The following CREBBP variants were observed in gnomAD, a reference collection of about 807,000 sequenced individuals.
The protein encoded by CREBBP is CREB-binding protein.
CREBBP carries 19 observed loss-of-function variants against 265.0 expected under a neutral mutation model. That is an observed-to-expected ratio of 0.07 (90% CI 0.05 to 0.11). The LOEUF is 0.11. Ranked by LOEUF, CREBBP falls within the 10% of genes least tolerant of loss-of-function variation. The probability of loss-of-function intolerance (pLI) is 1.00; values close to 1 mark genes in which losing one functional copy is unlikely to be tolerated. For synonymous variants in CREBBP, 1,457 were observed against 1,223.7 expected, an observed-to-expected ratio of 1.19 and a Z score of -3.98; for missense variants, 2,525 against 3,219.0, an observed-to-expected ratio of 0.78 and a Z score of 5.22.
At chr16:3,780,608 G>A (rs2141244735) in intron 8 of CREBBP, 124 bp downstream of exon 8, 1 of 1,011,382 alleles carries the variant, frequency 9.9e-7, no homozygotes, top group South Asian at 1.4e-5. Context: ...TCTACCAGCA[G>A]TGAGAGTGGC....
chr16:3,836,024 A>C (rs2054442074), intron 2 of CREBBP, among the ~76,000 whole-genome samples: 1 of 152,220 alleles, frequency 6.6e-6, no homozygotes, highest in Admixed American at 6.5e-5. Flanking sequence ...AACGTGGATG[A>C]ATCTCAGAAA....
rs184630280 is a variant in CREBBP at position 3,812,255 on chromosome 16, T to C, written c.799-1476A>G. On this transcript the variant is annotated intron_variant, in intron 2 of 30. Transcript: ENST00000262367. ...GTGCAGTGGCGTGATCTCGGCTCAC[T>C]GAAACCTCCCTCTCCCAGGTTCAAG... Among the ~76,000 whole-genome samples, 5 of 152,190 alleles carry C rather than the reference T, an allele frequency of 3.3e-5. No homozygotes were observed. The East Asian group carries it at 9.7e-4, about 29-fold the overall frequency.
intron 19 of CREBBP, 104 bp from the exon 20 acceptor site, chr16:3,751,910 G>A (rs1251628144): frequency 3.7e-6 from 4 of 1,077,552 alleles, no homozygotes; most frequent in African/African-American, 3.1e-5. Flanking sequence ...CCACGACGAA[G>A]GGGGGGCGTT....
At position 3,852,035 on chromosome 16, in the gene CREBBP, C is replaced by CAAAAAAAAAAAAAAAAAAA. The variant is rs551018184; in HGVS notation, c.86-1045_86-1027dup. The stretch of plus-strand genomic sequence containing the variant: ...CCTGGGCAACAGCGAGACTCCATCT[C>CAAAAAAAAAAAAAAAAAAA]AAAAAAAAAAAAAAAAAAAAAAAAA... On this transcript the variant is annotated intron_variant, in intron 1 of 30. Transcript: ENST00000262367. Among the ~76,000 whole-genome samples, 2 of 11,196 alleles carry CAAAAAAAAAAAAAAAAAAA rather than the reference C, an allele frequency of 1.8e-4. 1 individual carries two copies. Among genetic ancestry groups the CAAAAAAAAAAAAAAAAAAA allele is most frequent in the Non-Finnish European group, 3.5e-4 (2 of 5,670 alleles). The allele number at this position is 11,196 out of a possible 152,430, so 7.3% of individuals were successfully genotyped here.
rs781674546 is a variant in CREBBP at position 3,728,963 on chromosome 16, C to T, written c.6084G>A (p.Gln2028=). 6.3e-7 allele frequency: 1 copy of T among 1,598,002 alleles called. No homozygotes were observed. ...TGGGCAAGCCTGGCATGGGCTGCTG[C>T]TGGGGAAGGGGCGCCTGCTGCCACT... ...PGQWQQAPLP[Q]QQPMPGLPRP... Residue 2028 remains glutamine (Q), a synonymous_variant, in exon 31 of 31, where the codon CAG becomes CAA. Transcript: ENST00000262367. The surrounding 1 kb of genome is among the most constrained non-coding windows in gnomAD (Gnocchi z 8.7).
chr16:3,870,296 G>A (rs1465750928), intron 1 of CREBBP, among the ~76,000 whole-genome samples: 4 of 152,174 alleles, frequency 2.6e-5, no homozygotes, highest in African/African-American at 9.7e-5. Flanking sequence ...AGCTGAGCCC[G>A]AGAGGCAATT....
At chr16:3,784,020 T>C (rs931426989) in intron 5 of CREBBP, among the ~76,000 whole-genome samples, 3 of 152,250 alleles carry the variant, frequency 2.0e-5, no homozygotes, top group African/African-American at 4.8e-5. Context: ...TTCTATATGA[T>C]ACCATTTATT....
At chr16:3,748,098 AAAAT>A (rs1204875337) in intron 21 of CREBBP, among the ~76,000 whole-genome samples, 2 of 139,780 alleles carry the variant, frequency 1.4e-5, no homozygotes, top group African/African-American at 3.1e-5. Context: ...CTCAAAAATA[AAAAT>A]AAATACATAC....
intron 5 of CREBBP, among the ~76,000 whole-genome samples, chr16:3,789,572 G>T (rs1303805069): frequency 6.6e-6 from 1 of 152,146 alleles, no homozygotes; most frequent in East Asian, 1.9e-4. Flanking sequence ...CCAACGTAGG[G>T]TCAGATTCAC....
At chr16:3,867,533 A>T (rs2055200544) in intron 1 of CREBBP, among the ~76,000 whole-genome samples, 1 of 152,126 alleles carries the variant, frequency 6.6e-6, no homozygotes, top group Non-Finnish European at 1.5e-5. Flanking sequence ...TATTTATATA[A>T]CATAGAGAAA....
chr16:3,801,948 A>G (rs2053722376), intron 3 of CREBBP, among the ~76,000 whole-genome samples: 1 of 151,966 alleles, frequency 6.6e-6, no homozygotes, highest in Non-Finnish European at 1.5e-5. Context: ...GGTTAACACA[A>G]AGCTCACTGA....
In CREBBP at chr16:3,729,328, C is replaced by T. The variant is rs199990883; in HGVS notation, c.5719G>A (p.Ala1907Thr). The T allele has an allele frequency of 1.7e-3, 2,675 of 1,572,556 alleles. 6 individuals carry two copies. Among genetic ancestry groups the T allele is most frequent in the Middle Eastern group, 9.4e-3 (55 of 5,848 alleles). Reference sequence around the variant, plus strand: ...CTCACGGGTGAGGGTTGGGGCTGGGCAGGGGGCTGCGGCGTCTGGGGTGTG... The same window carrying T: ...CTCACGGGTGAGGGTTGGGGCTGGGTAGGGGGCTGCGGCGTCTGGGGTGTG... ...PSTPQTPQPP[A>T]QPQPSPVSMS... The change falls in exon 31 of 31, where the codon GCC (alanine) becomes ACC (threonine). Residue 1907 changes from alanine to threonine, a missense_variant. Physicochemically the swap from Ala to Thr is moderately conservative, Grantham distance 58. Around this residue, in one of 19 missense-constraint regions of CREBBP, gnomAD observed 275 missense variants for 276.5 expected, o/e 0.99. Coordinates refer to ENST00000262367, the MANE Select transcript of CREBBP (RefSeq NM_004380.3).
intron 1 of CREBBP, among the ~76,000 whole-genome samples, chr16:3,868,665 CCAA>C (rs1449904953): frequency 6.6e-6 from 1 of 152,182 alleles, no homozygotes; most frequent in Non-Finnish European, 1.5e-5. Flanking sequence ...TGTCCTTCCT[CCAA>C]CAAGCCTCCC....
intron 23 of CREBBP, among the ~76,000 whole-genome samples, chr16:3,744,479 G>A (rs2151352948): frequency 6.6e-6 from 1 of 152,320 alleles, no homozygotes; most frequent in South Asian, 2.1e-4. Flanking sequence ...CATAAATGCT[G>A]ACTTTCATAT....
At chr16:3,833,368 C>A (rs1471280410) in intron 2 of CREBBP, among the ~76,000 whole-genome samples, 1 of 152,212 alleles carries the variant, frequency 6.6e-6, no homozygotes, top group East Asian at 1.9e-4. Context: ...GGCGAGATAG[C>A]ACCACTGCAC....
At chr16:3,757,601 G>C (rs1386281164) in intron 18 of CREBBP, among the ~76,000 whole-genome samples, 1 of 152,146 alleles carries the variant, frequency 6.6e-6, no homozygotes, top group Non-Finnish European at 1.5e-5. Context: ...GGGGCAGCCA[G>C]AAACGCTTCC....
rs545171980 is a variant in CREBBP, at chr16:3,841,166, G to A, written c.798+9131C>T. Reference sequence around the variant, plus strand: ...TCTTTTCCTTTCTACCATGATACTAGTGATGTATAAGGGGTCTGTGTAGTT... The same window carrying A: ...TCTTTTCCTTTCTACCATGATACTAATGATGTATAAGGGGTCTGTGTAGTT... On this transcript the variant is annotated intron_variant, in intron 2 of 30. Transcript: ENST00000262367. 2.0e-5 allele frequency among the ~76,000 whole-genome samples: 3 copies of A among 152,140 alleles called. No individual in the cohort carries two copies. In the South Asian group the frequency reaches 6.2e-4, roughly 32 times the overall value.
At chr16:3,817,816 G>A (rs1395639895) in intron 2 of CREBBP, among the ~76,000 whole-genome samples, 3 of 152,172 alleles carry the variant, frequency 2.0e-5, no homozygotes, top group Admixed American at 1.3e-4. Context: ...ATGGGGGCAG[G>A]GGAGGGAGCA....
At chr16:3,747,686 G>A (rs1422747254) in intron 21 of CREBBP, among the ~76,000 whole-genome samples, 1 of 152,204 alleles carries the variant, frequency 6.6e-6, no homozygotes, top group Non-Finnish European at 1.5e-5. Flanking sequence ...AAATTGGCCG[G>A]GCACGGTGGC....
Sources: allele counts gnomAD v4.1 joint callset (sites outside exome capture counted in the v4.1 genomes callset), GRCh38; gene constraint gnomAD v4.1.1; regional missense constraint gnomAD v4.1.1; non-coding constraint Gnocchi (gnomAD v3.1); transcripts MANE v1.5; gene names NCBI Gene and HGNC (gene_info 2026-07-23, HGNC 2026-07-21).